Variants in STAU2 observed in about 807,000 individuals in gnomAD.
STAU2 encodes double-stranded RNA-binding protein Staufen homolog 2.
A neutral mutation model predicts 65.9 loss-of-function variants in STAU2; 20 were observed. The observed-to-expected ratio is 0.30, with a 90% CI of 0.21 to 0.44. The LOEUF (loss-of-function observed/expected upper bound fraction) is 0.44. Among genes scored for constraint, STAU2 ranks in the 20% least tolerant of loss-of-function variants. The pLI, the probability that STAU2 is intolerant of heterozygous loss-of-function variation, is 1.00. For synonymous variants in STAU2, 232 were observed against 233.9 expected (o/e 0.99, Z 0.07); for missense variants, 558 against 683.9 (o/e 0.82, Z 2.05).
At chr8:73,493,985 T>A (rs1821270955) in intron 13 of STAU2, among the ~76,000 whole-genome samples, 1 of 151,786 alleles carries the variant, frequency 6.6e-6, no homozygotes, top group Non-Finnish European at 1.5e-5. Flanking sequence ...TACATTTCAT[T>A]TACATAAGGG....
chr8:73,592,132 GA>G (rs1810864848), intron 11 of STAU2, among the ~76,000 whole-genome samples: 1 of 151,146 alleles, frequency 6.6e-6, no homozygotes, highest in Non-Finnish European at 1.5e-5. Context: ...CAAAAAAACT[GA>G]AAATAGAAAA....
intron 11 of STAU2, among the ~76,000 whole-genome samples, chr8:73,593,335 G>A (rs796531923): frequency 3.3e-5 from 5 of 152,194 alleles, no homozygotes; most frequent in African/African-American, 9.6e-5. Flanking sequence ...CTTCTACTTC[G>A]CATAATAACA....
At position 73,479,102 on chromosome 8, in the gene STAU2, A is replaced by C. The variant is rs1258729561; in HGVS notation, c.1531-56400T>G. Reference sequence around the variant, plus strand: ...ATCTATACCTTCACCCACTCCCCCAACCCCTGGATTAATTTAAAGCAAATT... The same window carrying C: ...ATCTATACCTTCACCCACTCCCCCACCCCCTGGATTAATTTAAAGCAAATT... On this transcript the variant is annotated intron_variant, in intron 13 of 14. Transcript: ENST00000524300. Among the ~76,000 whole-genome samples, 4 of 152,098 alleles carry C rather than the reference A, an allele frequency of 2.6e-5. No individual in the cohort carries two copies. In the East Asian group the frequency reaches 7.7e-4, roughly 29 times the overall value.
chr8:73,442,798 G>A (rs1818258050), intron 13 of STAU2, among the ~76,000 whole-genome samples: 1 of 152,206 alleles, frequency 6.6e-6, no homozygotes, highest in African/African-American at 2.4e-5. Context: ...ATGACAACTG[G>A]CATTTCCTAA....
chr8:73,469,226 G>A (rs1369833050), intron 13 of STAU2, among the ~76,000 whole-genome samples: 2 of 152,054 alleles, frequency 1.3e-5, no homozygotes, highest in African/African-American at 2.4e-5. Context: ...AACACCGCAT[G>A]TTCTCACTCA....
intron 13 of STAU2, among the ~76,000 whole-genome samples, chr8:73,531,860 G>C (rs1423189798): frequency 6.6e-6 from 1 of 152,142 alleles, no homozygotes; most frequent in Non-Finnish European, 1.5e-5. Context: ...TACAAACGTG[G>C]CCTGAAAAAT....
rs551710997 is a variant in STAU2, at chr8:73,614,220, C to T, written c.679-264G>A. Among the ~76,000 whole-genome samples, 5 of 152,292 alleles carry T rather than the reference C, an allele frequency of 3.3e-5. No homozygotes were observed. The South Asian group carries it at 6.2e-4, about 19-fold the overall frequency. ...ACTTTAAAACAGATCATTCTAATTACAGTTTCTCCATGTCTTATGGAACAC... is the reference window on the plus strand; with the variant it reads ...ACTTTAAAACAGATCATTCTAATTATAGTTTCTCCATGTCTTATGGAACAC... On this transcript the variant is annotated intron_variant, in intron 8 of 14. Transcript: ENST00000524300.
intron 3 of STAU2, among the ~76,000 whole-genome samples, chr8:73,727,022 G>A (rs1368459657): frequency 6.6e-6 from 1 of 152,104 alleles, no homozygotes; most frequent in Non-Finnish European, 1.5e-5. Context: ...TTGAGGTCAG[G>A]AGTTCAAGAC....
At chr8:73,495,685 A>ATATATATATATATATATATG (rs1199482749) in intron 13 of STAU2, among the ~76,000 whole-genome samples, 4 of 147,652 alleles carry the variant, frequency 2.7e-5, no homozygotes, top group African/African-American at 9.9e-5. Flanking sequence ...ATATATATAT[A>ATATATATATATATATATATG]TATGTATAGT....
intron 3 of STAU2, among the ~76,000 whole-genome samples, chr8:73,725,641 A>T (rs1278230722): frequency 4.6e-5 from 7 of 152,200 alleles, no homozygotes; most frequent in Non-Finnish European, 1.0e-4. Context: ...TACTAAAAAT[A>T]AAAAAATTAA....
chr8:73,597,297 A>G (rs1192840295), intron 10 of STAU2, among the ~76,000 whole-genome samples: 1 of 152,068 alleles, frequency 6.6e-6, no homozygotes, highest in African/African-American at 2.4e-5. Flanking sequence ...AGAAGACACA[A>G]ATAAGAAATG....
At chr8:73,472,191 G>C (rs188430032) in intron 13 of STAU2, among the ~76,000 whole-genome samples, 165 of 152,304 alleles carry the variant, frequency 1.1e-3, no homozygotes, top group Admixed American at 4.8e-3. Flanking sequence ...GCTAAGAAGA[G>C]ATGACATTAC....
intron 13 of STAU2, among the ~76,000 whole-genome samples, chr8:73,427,995 C>T (rs1177670439): frequency 6.6e-6 from 1 of 152,190 alleles, no homozygotes; most frequent in Non-Finnish European, 1.5e-5. Flanking sequence ...AATATACTCT[C>T]AGAGCAATAT....
At chr8:73,508,928 G>A (rs1822226124) in intron 13 of STAU2, among the ~76,000 whole-genome samples, 2 of 152,148 alleles carry the variant, frequency 1.3e-5, no homozygotes, top group African/African-American at 4.8e-5. Flanking sequence ...ATTGTTTCCA[G>A]TTTTTGACTA....
chr8:73,570,305 G>C (rs1344085270), intron 12 of STAU2, among the ~76,000 whole-genome samples: 4 of 152,220 alleles, frequency 2.6e-5, no homozygotes, highest in Non-Finnish European at 4.4e-5. Flanking sequence ...AGAAATATGG[G>C]ACTATGTGAA....
intron 6 of STAU2, among the ~76,000 whole-genome samples, chr8:73,644,828 T>G (rs1043219858): frequency 6.6e-6 from 1 of 152,022 alleles, no homozygotes; most frequent in African/African-American, 2.4e-5. Flanking sequence ...ACACAGAAAT[T>G]TGACAATTAG....
At chr8:73,441,894 C>T (rs1818171154) in intron 13 of STAU2, among the ~76,000 whole-genome samples, 1 of 152,140 alleles carries the variant, frequency 6.6e-6, no homozygotes, top group African/African-American at 2.4e-5. Flanking sequence ...TTGGAAGAAA[C>T]TTTATTAGGA....
At chr8:73,668,925 A>C (rs1817447204) in intron 6 of STAU2, 1 of 644,224 alleles carries the variant, frequency 1.6e-6, no homozygotes, top group African/African-American at 1.8e-5. Context: ...ATTTTGCTTA[A>C]TATTACTTTA....
chr8:73,452,930 G>A (rs977508711), intron 13 of STAU2, among the ~76,000 whole-genome samples: 6 of 152,194 alleles, frequency 3.9e-5, no homozygotes, highest in African/African-American at 1.2e-4. Context: ...AGTAAGAAAG[G>A]TTTAGAAACA....
Sources: allele counts gnomAD v4.1 joint callset (sites outside exome capture counted in the v4.1 genomes callset), GRCh38; gene constraint gnomAD v4.1.1; transcripts MANE v1.5; gene names NCBI Gene and HGNC (gene_info 2026-07-23, HGNC 2026-07-21).